TXNDC5: variants seen among roughly 807,000 people sequenced by gnomAD.
TXNDC5 encodes the protein thioredoxin domain-containing protein 5.
A neutral mutation model predicts 52.6 loss-of-function variants in TXNDC5; 44 were observed. That is an observed-to-expected ratio of 0.84 (90% confidence interval 0.66 to 1.08). TXNDC5 has a LOEUF of 1.08. TXNDC5 is among the 50% of genes least tolerant of loss of function. The pLI is 0.00. For missense variants in TXNDC5, 600 were observed against 565.5 expected (o/e 1.06, Z -0.62); for synonymous variants, 241 against 234.4 (o/e 1.03, Z -0.26).
chr6:7,889,491 G>C lies in TXNDC5; in HGVS notation c.819+4C>G. On this transcript the variant is annotated splice_donor_region_variant and intron_variant, in intron 6 of 9. Transcript: ENST00000379757. ...ATTCTCAGTACTAAGAAGTGCAGAC[G>C]TACCTTTTTCCCATCTCGGAACCAG... 6.2e-7 allele frequency: 1 copy of C among 1,612,942 alleles called. No homozygotes were observed. The highest frequency in any genetic ancestry group is 8.5e-7 in the Non-Finnish European group (1 of 1,179,030).
chr6:7,909,946 G>C lies in TXNDC5; in HGVS notation c.263+568C>G, dbSNP rs1304829820. The C allele has an allele frequency of 6.1e-6, 6 of 985,944 alleles. No individual in the cohort carries two copies. In the African/African-American group the frequency reaches 8.7e-5, roughly 14 times the overall value. 61.1% of individuals were successfully genotyped at this position (985,944 alleles called of 1,614,324 possible). A position where few individuals can be genotyped will look rare whatever the true frequency, so the allele number is the denominator to read the frequency against. On this transcript the variant is annotated intron_variant, in intron 1 of 9. Transcript: ENST00000379757. ...CACGTGGCCCACGGGCAGGCCGCGC[G>C]TCCGGCCGGCACAGGAAGTTTGGGG...
intron 1 of TXNDC5, among the ~76,000 whole-genome samples, chr6:7,906,457 AC>A (rs1760731984): frequency 7.1e-6 from 1 of 141,370 alleles, no homozygotes; most frequent in East Asian, 2.3e-4. Context: ...AATCGCTTGA[AC>A]CCGGGAGGCG....
chr6:7,891,528 G>T, intron 5 of TXNDC5, 93 bp downstream of exon 5: 1 of 946,528 alleles, frequency 1.1e-6, no homozygotes, highest in Non-Finnish European at 1.6e-6. Flanking sequence ...AATCAAGTTT[G>T]CGACTTTGCA....
In TXNDC5 at chr6:7,895,131, G is replaced by C. The variant is rs761375602; in HGVS notation, c.591C>G (p.Ser197Arg). ...LKQGLYELSA[S>R]NFELHVAQGD... ...CTTGTGCAACGTGCAGCTCAAAGTTGCTTGCTGAGAGCTCATACAGCCCTT... is the reference window on the plus strand; with the variant it reads ...CTTGTGCAACGTGCAGCTCAAAGTTCCTTGCTGAGAGCTCATACAGCCCTT... Residue 197 changes from serine to arginine, a missense_variant, in exon 4 of 10, where the codon AGC (serine) becomes AGG (arginine). Coordinates refer to ENST00000379757, the MANE Select transcript of TXNDC5 (RefSeq NM_030810.5). The C allele has an allele frequency of 5.6e-6, 9 of 1,613,812 alleles. No homozygotes were observed. In the Middle Eastern group the frequency reaches 9.9e-4, roughly 178 times the overall value.
At chr6:7,888,241 G>A (rs2113326629) in intron 7 of TXNDC5, among the ~76,000 whole-genome samples, 1 of 152,304 alleles carries the variant, frequency 6.6e-6, no homozygotes, top group African/African-American at 2.4e-5. Context: ...TACAGTCACT[G>A]GCCTGATCGC....
chr6:7,898,612 C>T (rs888839676), intron 3 of TXNDC5, among the ~76,000 whole-genome samples: 1 of 152,178 alleles, frequency 6.6e-6, no homozygotes, highest in African/African-American at 2.4e-5. Flanking sequence ...CTCTTCCTAG[C>T]TCATCAGGAT....
In TXNDC5 at chr6:7,910,604, T is replaced by C. The variant is rs1419548055; in HGVS notation, c.173A>G (p.Gln58Arg). The change falls in exon 1 of 10, where the codon CAG (glutamine) becomes CGG (arginine). Residue 58 changes from glutamine to arginine, a missense_variant. Gln to Arg is a conservative substitution (Grantham distance 43). Coordinates refer to ENST00000379757, the MANE Select transcript of TXNDC5 (RefSeq NM_030810.5). ...GTACAGGTGCTTGCTGTGCGGGTCC[T>C]GTCCGTCCTCGCCGTCTGCCGCGGG... ...GPPAADGEDG[Q>R]DPHSKHLYTA... is the part of the protein sequence containing the mutation. 4 of 1,357,094 alleles carry C rather than the reference T, an allele frequency of 2.9e-6. No individual in the cohort carries two copies. The highest frequency in any genetic ancestry group is 1.9e-6 in the Non-Finnish European group (2 of 1,035,242). The allele number at this position is 1,357,094 out of a possible 1,614,324, so 84.1% of individuals were successfully genotyped here.
intron 1 of TXNDC5, 111 bp downstream of exon 1, chr6:7,910,403 A>T: frequency 8.8e-7 from 1 of 1,141,974 alleles, no homozygotes; most frequent in Non-Finnish European, 1.1e-6. Flanking sequence ...GCCGCAGACC[A>T]GAGCCGTCGG....
chr6:7,883,657 T>C (rs1368024920), intron 9 of TXNDC5, among the ~76,000 whole-genome samples: 1 of 152,148 alleles, frequency 6.6e-6, no homozygotes, highest in African/African-American at 2.4e-5. Context: ...GACCAGACCA[T>C]GAGAGCAAGA....
chr6:7,904,965 T>C (rs910495158), intron 1 of TXNDC5, among the ~76,000 whole-genome samples: 1 of 152,168 alleles, frequency 6.6e-6, no homozygotes, highest in Non-Finnish European at 1.5e-5. Context: ...CAAAGTGTTG[T>C]TCTGGATCCT....
chr6:7,907,162 TCC>T (rs1235990929), intron 1 of TXNDC5, among the ~76,000 whole-genome samples: 2 of 147,398 alleles, frequency 1.4e-5, no homozygotes, highest in Non-Finnish European at 3.0e-5. Context: ...GCTTTTTTTT[TCC>T]CTTTTTTTTT....
At chr6:7,884,059 G>A (rs551475780) in intron 9 of TXNDC5, among the ~76,000 whole-genome samples, 19 of 152,320 alleles carry the variant, frequency 1.2e-4, no homozygotes, top group Middle Eastern at 6.8e-3. Context: ...CAAGAGTCGC[G>A]GTGTGGGAAG....
intron 1 of TXNDC5, chr6:7,909,858 G>A: frequency 2.0e-6 from 2 of 986,020 alleles, no homozygotes; most frequent in Non-Finnish European, 2.4e-6. Flanking sequence ...AAGGGGACGT[G>A]CCCGCAGTCT....
chr6:7,910,380 C>T lies in TXNDC5; in HGVS notation c.263+134G>A, dbSNP rs544131118. 15 of 1,076,952 alleles carry T rather than the reference C, an allele frequency of 1.4e-5. No individual in the cohort carries two copies. In the South Asian group the frequency reaches 3.9e-4, roughly 28 times the overall value. 66.7% of individuals were successfully genotyped at this position (1,076,952 alleles called of 1,614,324 possible). On this transcript the variant is annotated intron_variant, in intron 1 of 9. Coordinates refer to ENST00000379757, the MANE Select transcript of TXNDC5 (RefSeq NM_030810.5). ...CACCCCTGAGCCCCGAGCCCCGCGC[C>T]CGTAGCACGCACGCCGCAGACCAGA...
chr6:7,901,437 C>A (rs1760563811), intron 2 of TXNDC5, among the ~76,000 whole-genome samples: 2 of 152,102 alleles, frequency 1.3e-5, no homozygotes, highest in Non-Finnish European at 2.9e-5. Flanking sequence ...ACAGTAAGAC[C>A]TAGCCTATGA....
At chr6:7,888,958 C>G in intron 6 of TXNDC5, 110 bp from the exon 7 acceptor site, 10 of 1,392,576 alleles carry the variant, frequency 7.2e-6, no homozygotes, top group Non-Finnish European at 9.7e-6. Flanking sequence ...GATGTCTTAG[C>G]GGTGGTGCAA....
chr6:7,884,487 A>G lies in TXNDC5; in HGVS notation c.1048T>C (p.Cys350Arg), dbSNP rs1251123536. The change falls in exon 9 of 10, where the codon TGT (cysteine) becomes CGT (arginine). Residue 350 changes from cysteine to arginine, a missense_variant and splice_region_variant. Physicochemically the swap from Cys to Arg is radical, Grantham distance 180 (BLOSUM62 -3). Transcript: ENST00000379757. ...GGAGCCAGAGTCTTACAATGACCACACCTAAGACGAGAAAAATGGCAGCTT... is the reference window on the plus strand; with the variant it reads ...GGAGCCAGAGTCTTACAATGACCACGCCTAAGACGAGAAAAATGGCAGCTT... ...ITFIKFYAPW[C>R]GHCKTLAPTW... The G allele has an allele frequency of 1.3e-5, 21 of 1,613,898 alleles. No individual in the cohort carries two copies. The highest frequency in any genetic ancestry group is 1.8e-5 in the Non-Finnish European group (21 of 1,179,942).
At chr6:7,887,841 C>T (rs576979621) in intron 7 of TXNDC5, among the ~76,000 whole-genome samples, 3 of 152,204 alleles carry the variant, frequency 2.0e-5, no homozygotes, top group South Asian at 2.1e-4. Flanking sequence ...GCAGAAATGC[C>T]GGCTGATTCT....
At chr6:7,885,582 C>A (rs1038057639) in intron 8 of TXNDC5, among the ~76,000 whole-genome samples, 1 of 152,210 alleles carries the variant, frequency 6.6e-6, no homozygotes, top group African/African-American at 2.4e-5. Flanking sequence ...AAAGCTACAT[C>A]ATGACACTCA....
Sources: allele counts gnomAD v4.1 joint callset (sites outside exome capture counted in the v4.1 genomes callset), GRCh38; gene constraint gnomAD v4.1.1; transcripts MANE v1.5; gene names NCBI Gene and HGNC (gene_info 2026-07-23, HGNC 2026-07-21).